Variants in ZNF25 observed in about 807,000 individuals in gnomAD.
ZNF25 encodes zinc finger protein 25.
In ZNF25, 21 loss-of-function variants were observed where a neutral mutation model predicts 30.9. That is an observed-to-expected ratio of 0.68 (90% confidence interval 0.48 to 0.98). The LOEUF (loss-of-function observed/expected upper bound fraction) is 0.98, where lower values mean the gene tolerates loss of function less well. Among genes scored for constraint, ZNF25 ranks in the 50% least tolerant of loss-of-function variants. ZNF25 has a pLI of 0.00. For missense variants in ZNF25, 501 were observed against 529.9 expected, an observed-to-expected ratio of 0.95 and a Z score of 0.54; for synonymous variants, 169 against 181.3, an observed-to-expected ratio of 0.93 and a Z score of 0.55.
At position 37,952,971 on chromosome 10, in the gene ZNF25, C is replaced by T. The variant is rs756910544; in HGVS notation, c.527G>A (p.Cys176Tyr). The T allele has an allele frequency of 2.5e-6, 4 of 1,614,104 alleles. No individual in the cohort carries two copies. The highest frequency in any genetic ancestry group is 1.7e-5 in the Admixed American group (1 of 60,022). ...GTAAAATATTTTCTTACATTCTTTA[C>T]ACTCATAGGTTTTATCTCTCGTGTG... ...KIHTRDKTYE[C>Y]KECKKIFYHL... The change falls in exon 6 of 6, where the codon TGT (cysteine) becomes TAT (tyrosine). Residue 176 changes from cysteine to tyrosine, a missense_variant. Physicochemically the swap from Cys to Tyr is radical, Grantham distance 194 (BLOSUM62 -2). Coordinates refer to ENST00000302609, the MANE Select transcript of ZNF25 (RefSeq NM_145011.4).
Position 37,952,452 on chromosome 10 carries a change from T to C in ZNF25, c.1046A>G (p.Lys349Arg). The C allele has an allele frequency of 1.2e-6, 2 of 1,614,136 alleles. No individual in the cohort carries two copies. Among genetic ancestry groups the C allele is most frequent in the Non-Finnish European group, 1.7e-6 (2 of 1,179,990 alleles). ...GAGGTCTGATTTATAGTAAAATGTT[T>C]TCCCACATTTATTACATTCAAAGGG... Reference protein sequence around the residue: ...EKPFECNKCGKTFYYKSDLTK... With the variant: ...EKPFECNKCGRTFYYKSDLTK... The change falls in exon 6 of 6, where the codon AAA (lysine) becomes AGA (arginine). Residue 349 changes from lysine (K) to arginine (R), a missense_variant. Physicochemically the swap from Lys to Arg is conservative, Grantham distance 26 (BLOSUM62 2). Coordinates refer to ENST00000302609, the MANE Select transcript of ZNF25 (RefSeq NM_145011.4).
intron 5 of ZNF25, 54 bp downstream of exon 5, chr10:37,953,641 T>G: frequency 1.3e-6 from 2 of 1,562,906 alleles, no homozygotes. Context: ...TAGTAACTCC[T>G]TTAAGACTCT....
chr10:37,959,134 A>G (rs1320463170), intron 2 of ZNF25, among the ~76,000 whole-genome samples: 1 of 152,208 alleles, frequency 6.6e-6, no homozygotes, highest in African/African-American at 2.4e-5. Flanking sequence ...TACTATGTGA[A>G]ATGTCTTATA....
intron 2 of ZNF25, among the ~76,000 whole-genome samples, chr10:37,960,477 A>G (rs1281251150): frequency 1.4e-5 from 2 of 147,086 alleles, no homozygotes; most frequent in African/African-American, 5.0e-5. Context: ...AAAAAAAATT[A>G]GCCGGGCGTG....
At chr10:37,973,060 C>T (rs891415001) in intron 1 of ZNF25, among the ~76,000 whole-genome samples, 9 of 151,714 alleles carry the variant, frequency 5.9e-5, no homozygotes, top group Middle Eastern at 3.2e-3. Flanking sequence ...CCCAGCTACT[C>T]GGGAGGCTGA....
rs2062579408 is a variant in ZNF25, at chr10:37,957,088, A to G, written c.170T>C (p.Val57Ala). The G allele has an allele frequency of 6.2e-7, 1 of 1,614,012 alleles. No homozygotes were observed. Among genetic ancestry groups the G allele is most frequent in the African/African-American group, 1.3e-5 (1 of 74,918 alleles). The change falls in exon 4 of 6, where the codon GTC becomes GCC. Residue 57 changes from valine (V) to alanine (A), a missense_variant. Coordinates refer to ENST00000302609, the MANE Select transcript of ZNF25 (RefSeq NM_145011.4). The stretch of plus-strand genomic sequence containing the variant: ...CTCTTTTCCTTGCTTCAACTTGAAG[A>G]CTGCATTTGGCTTATTCACATGGTA... The part of the protein sequence containing the change: ...VGYHVNKPNA[V>A]FKLKQGKEPW...
chr10:37,959,094 C>T (rs988791119), intron 2 of ZNF25, among the ~76,000 whole-genome samples: 2 of 152,016 alleles, frequency 1.3e-5, no homozygotes, highest in African/African-American at 4.8e-5. Context: ...TTATATAAGA[C>T]AAAACACAAA....
intron 4 of ZNF25, among the ~76,000 whole-genome samples, chr10:37,954,353 C>T (rs2062379416): frequency 6.6e-6 from 1 of 152,120 alleles, no homozygotes; most frequent in Non-Finnish European, 1.5e-5. Flanking sequence ...CATCAGTTTC[C>T]TCATGCTTAG....
chr10:37,959,482 A>G (rs2062725731), intron 2 of ZNF25, among the ~76,000 whole-genome samples: 1 of 152,052 alleles, frequency 6.6e-6, no homozygotes, highest in Non-Finnish European at 1.5e-5. Context: ...CTTCACTTTT[A>G]TTGGTAGAAC....
intron 2 of ZNF25, among the ~76,000 whole-genome samples, chr10:37,961,951 A>G (rs538690455): frequency 2.1e-4 from 32 of 150,188 alleles, no homozygotes; most frequent in Non-Finnish European, 4.3e-4. Flanking sequence ...AAAACCTAAC[A>G]GATGGCCAGG....
rs1047715625 is a variant in ZNF25, at chr10:37,971,884, A to G, written c.-85-77T>C. ...ATGTCCCTTTGACCCATTAGAAAGC[A>G]TAGTAAGGACCATGATGAAGTAGCA... On this transcript the variant is annotated intron_variant, in intron 1 of 5. Transcript: ENST00000302609. The G allele has an allele frequency of 4.3e-6, 4 of 938,304 alleles. No individual in the cohort carries two copies. The African/African-American group carries it at 6.6e-5, about 15-fold the overall frequency. 58.1% of individuals were successfully genotyped at this position (938,304 alleles called of 1,614,324 possible).
intron 1 of ZNF25, among the ~76,000 whole-genome samples, chr10:37,973,244 C>A (rs114927807): frequency 0.057 from 8,618 of 151,702 alleles, 370 homozygotes; most frequent in Non-Finnish European, 0.077. Flanking sequence ...GAAAGCAATC[C>A]CATTTACAAC....
intron 5 of ZNF25, chr10:37,953,407 T>A: frequency 1.6e-6 from 1 of 610,118 alleles, no homozygotes; most frequent in Non-Finnish European, 2.8e-6. Context: ...ATTTGCATTC[T>A]ATTCACAGGG....
chr10:37,963,233 C>G (rs1448134285), intron 2 of ZNF25, among the ~76,000 whole-genome samples: 1 of 152,068 alleles, frequency 6.6e-6, no homozygotes, highest in Non-Finnish European at 1.5e-5. Context: ...AGCACTTCCC[C>G]CGCCCCAGGC....
intron 2 of ZNF25, among the ~76,000 whole-genome samples, chr10:37,971,311 A>C (rs2063474585): frequency 1.2e-5 from 1 of 83,266 alleles, no homozygotes; most frequent in Non-Finnish European, 2.9e-5. Flanking sequence ...GCGAGACTCC[A>C]TCTCAAAAAA....
At chr10:37,971,841 A>G (rs1039205163) in intron 1 of ZNF25, 34 bp from the exon 2 acceptor site, 2 of 1,393,852 alleles carry the variant, frequency 1.4e-6, no homozygotes, top group Non-Finnish European at 2.0e-6. Context: ...TTTTAGTAAA[A>G]TATATACCTT....
At position 37,950,378 on chromosome 10, in the gene ZNF25, T is replaced by C. The variant is rs2062080004; in HGVS notation, c.*1749A>G. 6.6e-6 allele frequency: 1 copy of C among 152,508 alleles called. No individual in the cohort carries two copies. The highest frequency in any genetic ancestry group is 6.5e-5 in the Admixed American group (1 of 15,280). 9.4% of individuals were successfully genotyped at this position (152,508 alleles called of 1,614,324 possible). A position where few individuals can be genotyped will look rare whatever the true frequency, so the allele number is the denominator to read the frequency against. ...CAACCATTTAGAAATATAAAACCAT[T>C]CTTAGCTTGCAGGATACAAAAATGG... On this transcript the variant is annotated 3_prime_UTR_variant, in exon 6 of 6. Coordinates refer to ENST00000302609, the MANE Select transcript of ZNF25 (RefSeq NM_145011.4).
rs949108303 is a variant in ZNF25, at chr10:37,957,644, G to A, written c.16-98C>T. 64 of 1,326,278 alleles carry A rather than the reference G, an allele frequency of 4.8e-5. No homozygotes were observed. In the African/African-American group the frequency reaches 8.2e-4, roughly 17 times the overall value. The allele number at this position is 1,326,278 out of a possible 1,614,324, so 82.2% of individuals were successfully genotyped here. A position where few individuals can be genotyped will look rare whatever the true frequency, so the allele number is the denominator to read the frequency against. On this transcript the variant is annotated intron_variant, in intron 2 of 5. Transcript: ENST00000302609. ...TAGCTCTTAGTGTACTAACTGCAAA[G>A]TTCATTCTGGAGAGTTAGGATATTT...
chr10:37,969,902 A>C (rs1206514366), intron 2 of ZNF25, among the ~76,000 whole-genome samples: 1 of 152,190 alleles, frequency 6.6e-6, no homozygotes, highest in Non-Finnish European at 1.5e-5. Flanking sequence ...CCATAAAACC[A>C]AGAAAAAATA....
Sources: allele counts gnomAD v4.1 joint callset (sites outside exome capture counted in the v4.1 genomes callset), GRCh38; gene constraint gnomAD v4.1.1; transcripts MANE v1.5; gene names NCBI Gene and HGNC (gene_info 2026-07-23, HGNC 2026-07-21).